RASGRP1: variants seen among roughly 807,000 people sequenced by gnomAD.
RASGRP1 encodes RAS guanyl releasing protein 1.
A neutral mutation model predicts 95.1 loss-of-function variants in RASGRP1; 37 were observed. That is an observed-to-expected ratio of 0.39 (90% CI 0.30 to 0.51). RASGRP1 has a LOEUF of 0.51. Among genes scored for constraint, RASGRP1 ranks in the 20% least tolerant of loss-of-function variants. The pLI, the probability that RASGRP1 is intolerant of heterozygous loss-of-function variation, is 0.80. For synonymous variants in RASGRP1, 325 were observed against 353.4 expected, an observed-to-expected ratio of 0.92 and a Z score of 0.90; for missense variants, 711 against 965.4, an observed-to-expected ratio of 0.74 and a Z score of 3.49.
intron 8 of RASGRP1, among the ~76,000 whole-genome samples, chr15:38,509,038 C>T (rs1038143330): frequency 2.6e-5 from 4 of 151,974 alleles, no homozygotes; most frequent in South Asian, 2.1e-4. Flanking sequence ...TCCCATCATG[C>T]ACTGTGGCCA....
chr15:38,554,161 C>T (rs1481657460), intron 2 of RASGRP1, among the ~76,000 whole-genome samples: 1 of 152,102 alleles, frequency 6.6e-6, no homozygotes, highest in Admixed American at 6.5e-5. Flanking sequence ...AGAAAGAACG[C>T]GAACCTCGGG....
In RASGRP1 at chr15:38,564,739, G is replaced by T; in HGVS notation, c.-111C>A. ...GGCTCTCTCCCCCCCGGGCCTCGTAGCCCCGGCGCCCGCCAGCCCTCGAGC... is the reference window on the plus strand; with the variant it reads ...GGCTCTCTCCCCCCCGGGCCTCGTATCCCCGGCGCCCGCCAGCCCTCGAGC... On this transcript the variant is annotated 5_prime_UTR_variant, in exon 1 of 17. Transcript: ENST00000310803. 3.2e-6 allele frequency: 3 copies of T among 943,494 alleles called. No homozygotes were observed. The highest frequency in any genetic ancestry group is 5.0e-5 in the East Asian group (1 of 19,874). 58.4% of individuals were successfully genotyped at this position (943,494 alleles called of 1,614,324 possible).
At position 38,509,410 on chromosome 15, in the gene RASGRP1, A is replaced by C. The variant is rs553124763; in HGVS notation, c.967-1409T>G. On this transcript the variant is annotated intron_variant, in intron 8 of 16. Transcript: ENST00000310803. ...GGATGGCTTAAGATTTCATCATGCTACTCAGCACAGCATGCATTTTAAAAC... is the reference window on the plus strand; with the variant it reads ...GGATGGCTTAAGATTTCATCATGCTCCTCAGCACAGCATGCATTTTAAAAC... Among the ~76,000 whole-genome samples, 36 of 152,310 alleles carry C rather than the reference A, an allele frequency of 2.4e-4. No homozygotes were observed. The South Asian group carries it at 7.5e-3, about 32-fold the overall frequency.
chr15:38,495,263 T>C (rs992795327), intron 15 of RASGRP1, among the ~76,000 whole-genome samples: 3 of 152,188 alleles, frequency 2.0e-5, no homozygotes, highest in Non-Finnish European at 2.9e-5. Context: ...AAGTTTTAGC[T>C]TTGTGGAAAT....
At position 38,494,581 on chromosome 15, in the gene RASGRP1, GAAGGGCCCTCACTGCCAATCC is replaced by G; in HGVS notation, c.2039_2059del (p.Trp680_Pro686del). Reference sequence around the variant, plus strand: ...TGGGGAAGACAGCACAAAGGGACCTGAAGGGCCCTCACTGCCAATCCAAGGCTGTGATTCAGTCTGGGTGGC... The same window carrying G: ...TGGGGAAGACAGCACAAAGGGACCTGAAGGCTGTGATTCAGTCTGGGTGGC... On this transcript the variant is annotated inframe_deletion, in exon 16 of 17. Coordinates refer to ENST00000310803, the MANE Select transcript of RASGRP1 (RefSeq NM_005739.4). 6.4e-7 allele frequency: 1 copy of G among 1,565,018 alleles called. No homozygotes were observed.
chr15:38,558,244 G>C (rs976671476), intron 2 of RASGRP1, among the ~76,000 whole-genome samples: 1 of 152,102 alleles, frequency 6.6e-6, no homozygotes, highest in Non-Finnish European at 1.5e-5. Flanking sequence ...ATGGCCCCAC[G>C]TCAGCCGCGC....
chr15:38,505,760 C>G, intron 10 of RASGRP1, 80 bp downstream of exon 10: 1 of 1,131,662 alleles, frequency 8.8e-7, no homozygotes, highest in South Asian at 1.3e-5. Context: ...AACTGAAAGT[C>G]TGTTCCTGAG....
At chr15:38,508,228 T>C (rs1891343062) in intron 8 of RASGRP1, among the ~76,000 whole-genome samples, 1 of 152,228 alleles carries the variant, frequency 6.6e-6, no homozygotes, top group East Asian at 1.9e-4. Flanking sequence ...CTTGAATCTG[T>C]TATATAACTT....
At chr15:38,508,103 A>G (rs1891338256) in intron 8 of RASGRP1, 102 bp from the exon 9 acceptor site, 7 of 1,349,780 alleles carry the variant, frequency 5.2e-6, no homozygotes, top group Non-Finnish European at 7.0e-6. Flanking sequence ...ATCTCACCCC[A>G]TCCAGAATTT....
intron 2 of RASGRP1, among the ~76,000 whole-genome samples, chr15:38,559,055 A>G (rs1239451538): frequency 1.3e-5 from 2 of 152,236 alleles, no homozygotes; most frequent in African/African-American, 4.8e-5. Flanking sequence ...AAATCTTTGA[A>G]TTCAATGATT....
rs759394125 is a variant in RASGRP1 at position 38,511,677 on chromosome 15, A to G, written c.893T>C (p.Ile298Thr). The G allele has an allele frequency of 8.7e-6, 14 of 1,613,514 alleles. No homozygotes were observed. The highest frequency in any genetic ancestry group is 7.7e-5 in the South Asian group (7 of 91,076). ...GATTGAGCTGTGACACAGCCCACCT[A>G]TCACAGCCATCAGTGTATTGAAGTT... ...LQNFNTLMAVIGGLCHSSISR... is the reference protein window; with the variant it reads ...LQNFNTLMAVTGGLCHSSISR... Residue 298 changes from isoleucine to threonine, a missense_variant, in exon 8 of 17, where the codon ATA (isoleucine) becomes ACA (threonine). By Grantham distance (89) the Ile-to-Thr change is moderately conservative. Around this residue, in one of 3 missense-constraint regions of RASGRP1, gnomAD observed 491 missense variants for 676.6 expected, o/e 0.73. Transcript: ENST00000310803.
At chr15:38,500,348 G>T (rs12904148) in intron 13 of RASGRP1, among the ~76,000 whole-genome samples, 92,158 of 150,614 alleles carry the variant, frequency 0.61, 28,323 homozygotes, top group South Asian at 0.77. Context: ...GGTTTTTTTT[G>T]TTTTGTTTTT....
In RASGRP1 at chr15:38,529,759, C is replaced by T. The variant is rs976363883; in HGVS notation, c.221-3355G>A. On this transcript the variant is annotated intron_variant, in intron 2 of 16. Coordinates refer to ENST00000310803, the MANE Select transcript of RASGRP1 (RefSeq NM_005739.4). ...TCTTGAGTAAATGAGTGAACTATAT[C>T]GAATAGGAAACACGTTAACTTTTCA... Among the ~76,000 whole-genome samples the T allele has an allele frequency of 3.3e-5, 5 of 152,180 alleles. No homozygotes were observed. In the South Asian group the frequency reaches 1.0e-3, roughly 32 times the overall value.
intron 7 of RASGRP1, 140 bp from the exon 8 acceptor site, chr15:38,511,860 G>C (rs779465486): frequency 1.6e-5 from 10 of 620,238 alleles, no homozygotes; most frequent in Admixed American, 1.3e-4. Flanking sequence ...GCAATTTCCT[G>C]TCCATGTCTC....
In RASGRP1 at chr15:38,507,970, G is replaced by C. The variant is rs1402678800; in HGVS notation, c.998C>G (p.Ser333Cys). The C allele has an allele frequency of 1.2e-6, 2 of 1,608,504 alleles. No individual in the cohort carries two copies. Among genetic ancestry groups the C allele is most frequent in the Non-Finnish European group, 1.7e-6 (2 of 1,177,844 alleles). ...CCGGTAATTGTCGTAGTTTCTGGAG[G>C]AGGACAGCAGCTCAGTCATCTCACC... ...VLGEMTELLS[S>C]SRNYDNYRRA... The change falls in exon 9 of 17, where the codon TCC (serine) becomes TGC (cysteine). Residue 333 changes from serine to cysteine, a missense_variant. Ser to Cys is a moderately radical substitution (Grantham distance 112). This residue lies in a region of RASGRP1 where 491 missense variants were observed against 676.6 expected (regional missense o/e 0.73). Transcript: ENST00000310803.
chr15:38,534,651 A>G (rs1332816383), intron 2 of RASGRP1: 3 of 152,126 alleles, frequency 2.0e-5, no homozygotes, highest in East Asian at 3.9e-4. Flanking sequence ...CTCCCACCCA[A>G]CTGCTGGGGC....
At chr15:38,496,546 C>T (rs542293352) in intron 15 of RASGRP1, among the ~76,000 whole-genome samples, 1 of 152,272 alleles carries the variant, frequency 6.6e-6, no homozygotes, top group Admixed American at 6.5e-5. Flanking sequence ...TCTGAAAATA[C>T]AGAGTGCATG....
At chr15:38,511,545 A>ATG in intron 8 of RASGRP1, 59 bp downstream of exon 8, 1 of 1,348,662 alleles carries the variant, frequency 7.4e-7, no homozygotes, top group Non-Finnish European at 1.1e-6. Context: ...CAAGGAGAAA[A>ATG]TGTTGGCACA....
intron 3 of RASGRP1, among the ~76,000 whole-genome samples, chr15:38,521,248 C>A (rs1341736585): frequency 6.6e-6 from 1 of 152,092 alleles, no homozygotes; most frequent in African/African-American, 2.4e-5. Context: ...ATATTTTTAT[C>A]ATTTGTTCTA....
Sources: allele counts gnomAD v4.1 joint callset (sites outside exome capture counted in the v4.1 genomes callset), GRCh38; gene constraint gnomAD v4.1.1; regional missense constraint gnomAD v4.1.1; transcripts MANE v1.5; gene names NCBI Gene and HGNC (gene_info 2026-07-23, HGNC 2026-07-21).